PTPRS: variants seen among roughly 807,000 people sequenced by gnomAD.
PTPRS encodes the protein receptor-type tyrosine-protein phosphatase S.
In PTPRS, 63 loss-of-function variants were observed where a neutral mutation model predicts 215.3. The observed-to-expected ratio is 0.29, with a 90% CI of 0.24 to 0.36. The LOEUF is 0.36. Among genes scored for constraint, PTPRS ranks in the 10% least tolerant of loss-of-function variants. The pLI, the probability that PTPRS is intolerant of heterozygous loss-of-function variation, is 1.00. For missense variants in PTPRS, 2,258 were observed against 2,825.8 expected (o/e 0.80, Z 4.56); for synonymous variants, 1,404 against 1,191.4 (o/e 1.18, Z -3.68).
chr19:5,251,874 C>T (rs1222963791), intron 9 of PTPRS, among the ~76,000 whole-genome samples: 1 of 152,096 alleles, frequency 6.6e-6, no homozygotes, highest in East Asian at 1.9e-4. Flanking sequence ...ATAGTAAGCA[C>T]AAACTAGGGA....
rs547424423 is a variant in PTPRS, at chr19:5,243,737, A to G, written c.1570+164T>C. ...CCCGCCCGCCTTGGCCTCCCAAAGT[A>G]CTGAGATTACAGGCGTAAACCACCA... On this transcript the variant is annotated intron_variant, in intron 11 of 37. Transcript: ENST00000262963. 1.5e-4 allele frequency among the ~76,000 whole-genome samples: 23 copies of G among 152,220 alleles called. 3 individuals carry two copies. The highest frequency in any genetic ancestry group is 4.6e-4 in the Admixed American group (7 of 15,286).
At chr19:5,246,503 C>T (rs2044493183) in intron 9 of PTPRS, among the ~76,000 whole-genome samples, 1 of 152,308 alleles carries the variant, frequency 6.6e-6, no homozygotes, top group Non-Finnish European at 1.5e-5. Flanking sequence ...GAGCAGGTGG[C>T]CTCCGATCAC....
chr19:5,312,066 C>T (rs957114487), intron 1 of PTPRS, among the ~76,000 whole-genome samples: 2 of 151,528 alleles, frequency 1.3e-5, no homozygotes, highest in Non-Finnish European at 2.9e-5. Context: ...GAAAGAAATA[C>T]GCATCCCACA....
Position 5,244,808 on chromosome 19 carries a change from G to A in PTPRS, c.989-326C>T, listed in dbSNP as rs1009317581. On this transcript the variant is annotated intron_variant, in intron 10 of 37. Transcript: ENST00000262963. This position sits in a 1 kb window ranked among gnomAD's most constrained non-coding sequence, Gnocchi z 7.2. The stretch of plus-strand genomic sequence containing the variant: ...CCTCAGCCTCCCGAGTAGCTGGGAC[G>A]ACAGGCGCCTGCCACCACACTCAGC... Among the ~76,000 whole-genome samples the A allele has an allele frequency of 3.1e-5, 4 of 130,534 alleles. No individual in the cohort carries two copies. Among genetic ancestry groups the A allele is most frequent in the Admixed American group, 1.5e-4 (2 of 13,048 alleles). The allele number at this position is 130,534 out of a possible 152,430, so 85.6% of individuals were successfully genotyped here.
intron 13 of PTPRS, among the ~76,000 whole-genome samples, chr19:5,233,825 A>G (rs1339639554): frequency 4.0e-5 from 6 of 151,384 alleles, no homozygotes; most frequent in Non-Finnish European, 7.4e-5. Flanking sequence ...GGGAGCCTGT[A>G]ATCCCAGCTA....
At chr19:5,220,638 A>G (rs972161818) in intron 20 of PTPRS, among the ~76,000 whole-genome samples, 4 of 152,200 alleles carry the variant, frequency 2.6e-5, no homozygotes, top group Admixed American at 6.5e-5. Context: ...ATAACCTTGT[A>G]GCCCTTAAAT....
chr19:5,213,921 T>G (rs1488514981), intron 30 of PTPRS, among the ~76,000 whole-genome samples: 1 of 152,200 alleles, frequency 6.6e-6, no homozygotes, highest in African/African-American at 2.4e-5. Context: ...GTTAAATACA[T>G]ATCTAAAAGA....
chr19:5,296,630 C>CG (rs1383582715), intron 1 of PTPRS, among the ~76,000 whole-genome samples: 1 of 146,374 alleles, frequency 6.8e-6, no homozygotes, highest in African/African-American at 2.5e-5. Context: ...GCAAAGGCCC[C>CG]GGGGCAGCAC....
In PTPRS at chr19:5,210,367, C is replaced by G; in HGVS notation, c.5487+102G>C. 1 of 1,514,622 alleles carries G rather than the reference C, an allele frequency of 6.6e-7. No individual in the cohort carries two copies. The highest frequency in any genetic ancestry group is 1.2e-5 in the South Asian group (1 of 81,936). The allele number at this position is 1,514,622 out of a possible 1,614,324, so 93.8% of individuals were successfully genotyped here. A position where few individuals can be genotyped will look rare whatever the true frequency, so the allele number is the denominator to read the frequency against. ...CTGACACTTCTCCTGATTCCCAATG[C>G]TTATGCCTAACCCTTGGCCTTTGTA... On this transcript the variant is annotated intron_variant, in intron 35 of 37. Coordinates refer to ENST00000262963, the MANE Select transcript of PTPRS (RefSeq NM_002850.4). The surrounding 1 kb of genome is among the most constrained non-coding windows in gnomAD (Gnocchi z 4.5).
At chr19:5,315,717 C>T (rs1393105486) in intron 1 of PTPRS, among the ~76,000 whole-genome samples, 1 of 151,504 alleles carries the variant, frequency 6.6e-6, no homozygotes, top group Non-Finnish European at 1.5e-5. Flanking sequence ...ATCTGGAACT[C>T]CTGGACCCAA....
chr19:5,229,218 G>A (rs987398024), intron 16 of PTPRS, 98 bp downstream of exon 16: 2 of 1,251,672 alleles, frequency 1.6e-6, no homozygotes, highest in Non-Finnish European at 1.0e-6. Context: ...GGAGGAGACC[G>A]TTTTACTACT....
At chr19:5,208,085 T>C (rs1408085977) in intron 36 of PTPRS, 28 bp from the exon 37 acceptor site, 11 of 1,603,380 alleles carry the variant, frequency 6.9e-6, no homozygotes, top group East Asian at 4.5e-5. Flanking sequence ...AGCACAGCCA[T>C]TCAGGGGCAG....
intron 16 of PTPRS, among the ~76,000 whole-genome samples, chr19:5,228,262 T>A (rs1427954652): frequency 2.8e-5 from 4 of 144,188 alleles, no homozygotes; most frequent in Non-Finnish European, 1.5e-5. Context: ...GGAGAATTGT[T>A]TGAACCCAGG....
chr19:5,259,063 G>C (rs960080189), intron 7 of PTPRS, among the ~76,000 whole-genome samples: 2 of 152,148 alleles, frequency 1.3e-5, no homozygotes, highest in African/African-American at 4.8e-5. Context: ...TTGAAATCAG[G>C]GGTCTGATTG....
At position 5,223,092 on chromosome 19, in the gene PTPRS, C is replaced by G. The variant is rs770802967; in HGVS notation, c.2700G>C (p.Thr900=). ...TCCGGGCCGCAAGCCGGAACACATA[C>G]GTGGCCCCCTTGTGCACGCCTGATG... ...YTASGVHKGA[T]YVFRLAARSR... The change falls in exon 18 of 38, where the codon ACG becomes ACC. Residue 900 remains threonine (T), a synonymous_variant. Coordinates refer to ENST00000262963, the MANE Select transcript of PTPRS (RefSeq NM_002850.4). 1.3e-6 allele frequency: 2 copies of G among 1,562,798 alleles called. No individual in the cohort carries two copies. Among genetic ancestry groups the G allele is most frequent in the African/African-American group, 2.7e-5 (2 of 73,604 alleles).
At position 5,244,283 on chromosome 19, in the gene PTPRS, C is replaced by G. The variant is rs1020481013; in HGVS notation, c.1188G>C (p.Ser396=). The G allele has an allele frequency of 1.2e-6, 2 of 1,614,208 alleles. No homozygotes were observed. The highest frequency in any genetic ancestry group is 1.7e-5 in the Admixed American group (1 of 60,032). The part of the protein sequence containing the change: ...RYSIGGLSPN[S]EYEIWVSAVN... ...CGGCCGACACCCAGATCTCGTACTCCGAGTTGGGGCTCAGGCCGCCGATGC... is the reference window on the plus strand; with the variant it reads ...CGGCCGACACCCAGATCTCGTACTCGGAGTTGGGGCTCAGGCCGCCGATGC... Residue 396 remains serine, a synonymous_variant, in exon 11 of 38, where the codon TCG becomes TCC. Coordinates refer to ENST00000262963, the MANE Select transcript of PTPRS (RefSeq NM_002850.4). This position sits in a 1 kb window ranked among gnomAD's most constrained non-coding sequence, Gnocchi z 7.2.
At chr19:5,238,177 G>A (rs2145823292) in intron 13 of PTPRS, among the ~76,000 whole-genome samples, 1 of 152,270 alleles carries the variant, frequency 6.6e-6, no homozygotes, top group East Asian at 1.9e-4. Context: ...TGGGGAGACG[G>A]CAGAAGGGGC....
At position 5,212,178 on chromosome 19, in the gene PTPRS, T is replaced by C; in HGVS notation, c.4842A>G (p.Thr1614=). The change falls in exon 32 of 38, where the codon ACA becomes ACG. Residue 1614 remains threonine (T), a synonymous_variant. Coordinates refer to ENST00000262963, the MANE Select transcript of PTPRS (RefSeq NM_002850.4). ...GCGTCACGTGGCCATAGACATCGAC[T>C]GTCTTCTCTGGCTTGATCCGCTCAA... The part of the protein sequence containing the change: ...AMLERIKPEK[T]VDVYGHVTLM... The C allele has an allele frequency of 6.2e-7, 1 of 1,614,020 alleles. No individual in the cohort carries two copies. The highest frequency in any genetic ancestry group is 1.1e-5 in the South Asian group (1 of 91,086).
At chr19:5,307,525 G>T (rs763236655) in intron 1 of PTPRS, among the ~76,000 whole-genome samples, 17 of 152,008 alleles carry the variant, frequency 1.1e-4, no homozygotes, top group Admixed American at 1.3e-4. Flanking sequence ...TGGGGGGGAA[G>T]AAAACAAGGT....
Sources: gnomAD v4.1 joint callset for allele counts (sites outside exome capture counted in the v4.1 genomes callset) on GRCh38, gnomAD v4.1.1 for gene constraint, Gnocchi (gnomAD v3.1) non-coding constraint, MANE v1.5 for transcripts, NCBI Gene and HGNC (gene_info 2026-07-23, HGNC 2026-07-21) for gene names.